The following MTCL1 variants were observed in gnomAD, a reference collection of about 807,000 sequenced individuals.
The protein encoded by MTCL1 is microtubule cross-linking factor 1.
Under a neutral mutation model 141.4 loss-of-function variants are expected in MTCL1, and 79 were observed. That is an observed-to-expected ratio of 0.56 (90% confidence interval 0.47 to 0.67). The LOEUF (loss-of-function observed/expected upper bound fraction) is 0.67. Ranked by LOEUF, MTCL1 falls within the 30% of genes least tolerant of loss-of-function variation. The pLI is 0.00. For synonymous variants in MTCL1, 914 were observed against 875.8 expected (o/e 1.04, Z -0.77); for missense variants, 2,177 against 2,113.9 (o/e 1.03, Z -0.59).
intron 10 of MTCL1, chr18:8,802,241 C>T (rs1288123374): frequency 1.3e-5 from 2 of 152,200 alleles, no homozygotes; most frequent in Non-Finnish European, 2.9e-5. Context: ...GCAGCTACCA[C>T]ATCATTCTGG....
chr18:8,825,129 G>T, exon 15 of MTCL1: 1 of 1,590,484 alleles, frequency 6.3e-7, no homozygotes, highest in Non-Finnish European at 8.6e-7. Context: ...CAGCATCACG[G>T]CGGCAGGTGG....
At chr18:8,755,985 A>G (rs1204599015) in intron 4 of MTCL1, among the ~76,000 whole-genome samples, 1 of 152,144 alleles carries the variant, frequency 6.6e-6, no homozygotes, top group African/African-American at 2.4e-5. Flanking sequence ...ATAAACAAAA[A>G]CATTACTTAG....
intron 4 of MTCL1, among the ~76,000 whole-genome samples, chr18:8,747,336 G>A (rs2096344430): frequency 6.6e-6 from 1 of 152,096 alleles, no homozygotes; most frequent in South Asian, 2.1e-4. Flanking sequence ...TCCATGCCTG[G>A]TGCTTTGCTC....
At chr18:8,784,604 G>A (rs774375780) in exon 6 of MTCL1, 40 of 1,612,626 alleles carry the variant, frequency 2.5e-5, no homozygotes, top group Admixed American at 1.2e-4. Flanking sequence ...CCTCCAGGGC[G>A]AAGAGGAGCA....
intron 12 of MTCL1, among the ~76,000 whole-genome samples, chr18:8,815,718 G>C (rs2076634020): frequency 6.6e-6 from 1 of 150,768 alleles, no homozygotes; most frequent in Non-Finnish European, 1.5e-5. Context: ...ATTTTGGAAA[G>C]GTAATAGTGG....
chr18:8,733,160 C>T (rs527402868), intron 4 of MTCL1, among the ~76,000 whole-genome samples: 3 of 152,266 alleles, frequency 2.0e-5, no homozygotes, highest in African/African-American at 2.4e-5. Context: ...GGAGCCAGGG[C>T]GCAGGGCAGC....
At chr18:8,814,542 C>T (rs763924098) in intron 12 of MTCL1, among the ~76,000 whole-genome samples, 7 of 152,128 alleles carry the variant, frequency 4.6e-5, no homozygotes, top group Non-Finnish European at 7.4e-5. Context: ...CTGTGTATGT[C>T]GTTGCTCTAT....
chr18:8,784,215 G>A (rs1424023757), exon 6 of MTCL1: 7 of 1,611,652 alleles, frequency 4.3e-6, no homozygotes, highest in Non-Finnish European at 5.9e-6. Flanking sequence ...AACATCCAGC[G>A]CTGCGACCTG....
At position 8,784,789 on chromosome 18, in the gene MTCL1, G is replaced by T. The variant is rs143143209; in HGVS notation, c.1677G>T (p.Val559=). The T allele has an allele frequency of 1.9e-5, 30 of 1,612,008 alleles. No individual in the cohort carries two copies. In the African/African-American group the frequency reaches 3.9e-4, roughly 21 times the overall value. ...GCTTCCTCTCCACTGTGACTTCCGTGTCCCGGGACTCCCCCATCGGGAACC... is the reference window on the plus strand; with the variant it reads ...GCTTCCTCTCCACTGTGACTTCCGTTTCCCGGGACTCCCCCATCGGGAACC... The change falls in exon 6 of 17, where the codon GTG becomes GTT. Residue 559 remains valine (V), a synonymous_variant. Coordinates refer to ENST00000359865, the Ensembl canonical transcript of MTCL1.
intron 4 of MTCL1, among the ~76,000 whole-genome samples, chr18:8,721,184 A>G (rs940485633): frequency 2.0e-5 from 3 of 152,226 alleles, no homozygotes; most frequent in African/African-American, 4.8e-5. Flanking sequence ...AATGTCCTGC[A>G]TGTGTTGAAA....
chr18:8,826,974 G>A (rs2077047371), intron 15 of MTCL1, among the ~76,000 whole-genome samples: 2 of 152,204 alleles, frequency 1.3e-5, no homozygotes, highest in Non-Finnish European at 2.9e-5. Context: ...TCAACAATGA[G>A]CAAAATGAAA....
chr18:8,720,742 A>G (rs1228938185), intron 4 of MTCL1, among the ~76,000 whole-genome samples: 1 of 152,236 alleles, frequency 6.6e-6, no homozygotes, highest in Non-Finnish European at 1.5e-5. Context: ...ATACTGTGTG[A>G]TGCTTGCAAA....
At chr18:8,757,183 A>G (rs1048379757) in intron 4 of MTCL1, among the ~76,000 whole-genome samples, 3 of 151,396 alleles carry the variant, frequency 2.0e-5, no homozygotes, top group Non-Finnish European at 2.9e-5. Flanking sequence ...GCTGAATGCC[A>G]TGGGCAGCTG....
At chr18:8,718,034 G>C in intron 2 of MTCL1, 1 of 951,954 alleles carries the variant, frequency 1.1e-6, no homozygotes, top group African/African-American at 1.7e-5. Context: ...GGCAGGGTCC[G>C]TATGATTCAT....
chr18:8,756,801 GA>G (rs1343572494), intron 4 of MTCL1, among the ~76,000 whole-genome samples: 1 of 152,194 alleles, frequency 6.6e-6, no homozygotes, highest in Non-Finnish European at 1.5e-5. Context: ...AATTCCCAAA[GA>G]AGTTGCAGTG....
At chr18:8,823,103 C>T (rs556004585) in intron 14 of MTCL1, among the ~76,000 whole-genome samples, 4 of 152,136 alleles carry the variant, frequency 2.6e-5, no homozygotes, top group Non-Finnish European at 4.4e-5. Flanking sequence ...TCCCCACTGT[C>T]CCCATGTCCT....
chr18:8,717,273 A>C (rs1467656183), upstream of MTCL1: 1 of 152,312 alleles, frequency 6.6e-6, no homozygotes, highest in African/African-American at 2.4e-5. Context: ...TAGAGCCAGC[A>C]AGAGACTAGA....
intron 4 of MTCL1, among the ~76,000 whole-genome samples, chr18:8,767,207 G>A (rs1483358899): frequency 1.3e-5 from 2 of 152,242 alleles, no homozygotes; most frequent in Non-Finnish European, 2.9e-5. Flanking sequence ...TAGAGCTAGG[G>A]ATCCTAGCTG....
At chr18:8,744,673 ATTTAAAGCATGGTATGGTTTTT>A (rs2096325534) in intron 4 of MTCL1, among the ~76,000 whole-genome samples, 1 of 152,026 alleles carries the variant, frequency 6.6e-6, no homozygotes, top group Non-Finnish European at 1.5e-5. Flanking sequence ...TAACTGTCCC[ATTTAAAGCATGGTATGGTTTTT>A]TTTGAGTAGC....
Sources: gnomAD v4.1 joint callset for allele counts (sites outside exome capture counted in the v4.1 genomes callset) on GRCh38, gnomAD v4.1.1 for gene constraint, MANE v1.5 for transcripts, NCBI Gene and HGNC (gene_info 2026-07-23, HGNC 2026-07-21) for gene names.